Variants in TRPM3 observed in about 807,000 individuals in gnomAD.
TRPM3 encodes the protein long transient receptor potential channel 3.
In TRPM3, 77 loss-of-function variants were observed where a neutral mutation model predicts 181.2. The observed-to-expected ratio is 0.42, with a 90% CI of 0.35 to 0.51. The LOEUF is 0.51. TRPM3 is among the 20% of genes least tolerant of loss of function. The probability of loss-of-function intolerance (pLI) is 0.01; values close to 1 mark genes in which losing one functional copy is unlikely to be tolerated. For synonymous variants in TRPM3, 745 were observed against 796.4 expected (o/e 0.94, Z 1.09); for missense variants, 1,759 against 2,196.7 (o/e 0.80, Z 3.98).
At chr9:70,803,033 TAAAAAAAAAA>T (rs78461560) in intron 6 of TRPM3, among the ~76,000 whole-genome samples, 1 of 42,890 alleles carries the variant, frequency 2.3e-5, no homozygotes, top group Non-Finnish European at 4.3e-5. Context: ...AGAAATTTTG[TAAAAAAAAAA>T]AAAAAAAAAA....
At position 70,625,340 on chromosome 9, in the gene TRPM3, G is replaced by A. The variant is rs771638911; in HGVS notation, c.1669-9C>T. On this transcript the variant is annotated splice_polypyrimidine_tract_variant and intron_variant, in intron 13 of 25. Transcript: ENST00000677713. This position sits in a 1 kb window ranked among gnomAD's most constrained non-coding sequence, Gnocchi z 4.8. Reference sequence around the variant, plus strand: ...TCTGGGGGCAGGTTCCCCTATCAGGGTAGAATGAAACAAACAGACAAATCC... The same window carrying A: ...TCTGGGGGCAGGTTCCCCTATCAGGATAGAATGAAACAAACAGACAAATCC... 5 of 1,613,894 alleles carry A rather than the reference G, an allele frequency of 3.1e-6. No homozygotes were observed. Among genetic ancestry groups the A allele is most frequent in the East Asian group, 2.2e-5 (1 of 44,884 alleles).
intron 6 of TRPM3, among the ~76,000 whole-genome samples, chr9:70,789,846 T>C (rs2084922034): frequency 6.6e-6 from 1 of 152,202 alleles, no homozygotes; most frequent in Non-Finnish European, 1.5e-5. Flanking sequence ...TAGACTTTTG[T>C]CACATTTTGT....
intron 1 of TRPM3, among the ~76,000 whole-genome samples, chr9:71,071,610 T>C (rs2062774841): frequency 6.6e-6 from 1 of 152,242 alleles, no homozygotes; most frequent in African/African-American, 2.4e-5. Context: ...TTCCTAATTA[T>C]GCAAGACCAA....
intron 1 of TRPM3, among the ~76,000 whole-genome samples, chr9:70,981,826 A>C (rs920625008): frequency 2.6e-5 from 4 of 152,208 alleles, no homozygotes; most frequent in African/African-American, 9.7e-5. Context: ...AAGTTCAAGA[A>C]AGCAATAGAA....
chr9:71,265,553 C>G (rs1282483726), intron 1 of TRPM3, among the ~76,000 whole-genome samples: 1 of 152,172 alleles, frequency 6.6e-6, no homozygotes, highest in Non-Finnish European at 1.5e-5. Flanking sequence ...GCTTCTGATT[C>G]CAGTTTCACT....
Position 70,759,813 on chromosome 9 carries a change from T to A in TRPM3, c.1272+1788A>T, listed in dbSNP as rs1168127608. Among the ~76,000 whole-genome samples, 3 of 151,802 alleles carry A rather than the reference T, an allele frequency of 2.0e-5. No individual in the cohort carries two copies. In the South Asian group the frequency reaches 6.3e-4, roughly 32 times the overall value. The stretch of plus-strand genomic sequence containing the variant: ...ACACATGGACACAGGGAGGGTAACA[T>A]CGCACACCAGGGCCTCTCAGGGGGT... On this transcript the variant is annotated intron_variant, in intron 8 of 25. Coordinates refer to ENST00000677713, the MANE Select transcript of TRPM3 (RefSeq NM_001366145.2).
At chr9:70,968,468 C>T (rs957113512) in intron 1 of TRPM3, among the ~76,000 whole-genome samples, 2 of 152,114 alleles carry the variant, frequency 1.3e-5, no homozygotes, top group African/African-American at 4.8e-5. Flanking sequence ...AGTCTTACTC[C>T]ACCAGCTTGT....
intron 3 of TRPM3, among the ~76,000 whole-genome samples, chr9:70,851,822 G>GA (rs1263080538): frequency 1.3e-5 from 2 of 151,294 alleles, no homozygotes; most frequent in African/African-American, 2.4e-5. Context: ...ACTTTACTAA[G>GA]AAAAAAAAAT....
chr9:70,986,129 G>T (rs547323273), intron 1 of TRPM3, among the ~76,000 whole-genome samples: 1 of 152,140 alleles, frequency 6.6e-6, no homozygotes, highest in African/African-American at 2.4e-5. Flanking sequence ...GGAGGCCAAG[G>T]CAGGAGGATC....
chr9:71,326,339 C>T (rs2089678986), intron 1 of TRPM3, among the ~76,000 whole-genome samples: 1 of 152,174 alleles, frequency 6.6e-6, no homozygotes, highest in Non-Finnish European at 1.5e-5. Context: ...GAACCTAAGG[C>T]CTTCCCAGGT....
At chr9:70,581,385 C>T (rs550872029) in intron 22 of TRPM3, among the ~76,000 whole-genome samples, 20 of 152,314 alleles carry the variant, frequency 1.3e-4, no homozygotes, top group Admixed American at 7.2e-4. Flanking sequence ...ACTTGACAGA[C>T]GTGGTCTGAT....
intron 1 of TRPM3, among the ~76,000 whole-genome samples, chr9:71,081,221 A>G (rs2064283795): frequency 6.6e-6 from 1 of 152,220 alleles, no homozygotes; most frequent in African/African-American, 2.4e-5. Context: ...ACCTGGAAAG[A>G]CAGGATATAG....
intron 1 of TRPM3, among the ~76,000 whole-genome samples, chr9:71,055,318 G>A (rs1162772876): frequency 6.6e-6 from 1 of 152,066 alleles, no homozygotes; most frequent in East Asian, 1.9e-4. Context: ...GTAGATAATA[G>A]AAATAATGAA....
intron 1 of TRPM3, among the ~76,000 whole-genome samples, chr9:70,908,424 T>C (rs1218487050): frequency 6.6e-6 from 1 of 152,214 alleles, no homozygotes; most frequent in Non-Finnish European, 1.5e-5. Flanking sequence ...GGACAAAATA[T>C]ACATAAAGTT....
chr9:70,782,617 G>A (rs2130822140), intron 7 of TRPM3, among the ~76,000 whole-genome samples: 1 of 152,094 alleles, frequency 6.6e-6, no homozygotes, highest in South Asian at 2.1e-4. Context: ...TAGGTTCTGA[G>A]CTATAAAGTG....
At chr9:71,342,182 A>G (rs1028764571) in intron 1 of TRPM3, among the ~76,000 whole-genome samples, 2 of 147,824 alleles carry the variant, frequency 1.4e-5, no homozygotes, top group Non-Finnish European at 3.0e-5. Flanking sequence ...TCTTCTCCAT[A>G]AAGTTTGGCA....
At chr9:71,162,225 A>G (rs1255393023) in intron 1 of TRPM3, among the ~76,000 whole-genome samples, 2 of 147,660 alleles carry the variant, frequency 1.4e-5, no homozygotes, top group Non-Finnish European at 3.0e-5. Context: ...AAAAAAGAAG[A>G]AAAAGAAAAA....
In TRPM3 at chr9:71,319,958, T is replaced by C. The variant is rs146170981; in HGVS notation, c.183+126695A>G. Among the ~76,000 whole-genome samples the C allele has an allele frequency of 1.7e-3, 254 of 152,242 alleles. 1 individual carries two copies. Among genetic ancestry groups the C allele is most frequent in the African/African-American group, 5.9e-3 (244 of 41,544 alleles). ...CTTTATATCTTTGTGCTTTGTTATT[T>C]TAAGGATTGAGCTACTAAAATTAGA... is the stretch of plus-strand genomic sequence containing the variant. On this transcript the variant is annotated intron_variant, in intron 1 of 24. Transcript: ENST00000357533.
intron 1 of TRPM3, among the ~76,000 whole-genome samples, chr9:71,219,375 G>A (rs1339140099): frequency 6.6e-6 from 1 of 152,146 alleles, no homozygotes; most frequent in African/African-American, 2.4e-5. Flanking sequence ...GTCAACTGTA[G>A]TAAGTTTTGG....
Sources: gnomAD v4.1 joint callset for allele counts (sites outside exome capture counted in the v4.1 genomes callset) on GRCh38, gnomAD v4.1.1 for gene constraint, Gnocchi (gnomAD v3.1) non-coding constraint, MANE v1.5 for transcripts, NCBI Gene and HGNC (gene_info 2026-07-23, HGNC 2026-07-21) for gene names.